The following ZNF514 variants were observed in gnomAD, a reference collection of about 807,000 sequenced individuals.
ZNF514 encodes the protein zinc finger protein 514.
In ZNF514, 12 loss-of-function variants were observed where a neutral mutation model predicts 9.7. The ratio of observed to expected loss-of-function variants is 1.24; its 90% CI spans 0.79 to 2.01. The LOEUF is 2.01. Among genes scored for constraint, ZNF514 ranks in the 30% most tolerant of loss-of-function variants. ZNF514 has a pLI of 0.00. For missense variants in ZNF514, 467 were observed against 465.5 expected (o/e 1.00, Z -0.03); for synonymous variants, 158 against 163.7 (o/e 0.97, Z 0.27).
intron 1 of ZNF514, among the ~76,000 whole-genome samples, chr2:95,158,632 G>T (rs1360428038): frequency 2.0e-5 from 3 of 152,248 alleles, no homozygotes; most frequent in Admixed American, 1.3e-4. Context: ...CCCTGGCCAA[G>T]GGCCACTCCC....
chr2:95,149,432 TC>T lies in ZNF514; in HGVS notation c.1052del (p.Arg351LysfsTer69). The stretch of plus-strand genomic sequence containing the variant: ...TGAGAGATGAACTCTGGCTGAAGGC[TC>T]TCCCACATTTATTACATTTGTAAGG... ...EKPYKCNKCG[R>X]AFSQSSSLTQ... On this transcript the variant is annotated frameshift_variant, in exon 5 of 5. Coordinates refer to ENST00000295208, the MANE Select transcript of ZNF514 (RefSeq NM_032788.3). LOFTEE classifies it low-confidence loss of function (END_TRUNC). 6.2e-7 allele frequency: 1 copy of T among 1,614,076 alleles called. No individual in the cohort carries two copies. The highest frequency in any genetic ancestry group is 8.5e-7 in the Non-Finnish European group (1 of 1,180,010).
chr2:95,158,767 A>C (rs1573384098), intron 1 of ZNF514: 9 of 1,188,392 alleles, frequency 7.6e-6, no homozygotes, highest in Non-Finnish European at 8.6e-6. Flanking sequence ...TCATCTAGAG[A>C]CCCCTGCCAG....
chr2:95,143,079 C>G (rs1241396672), downstream of ZNF514, among the ~76,000 whole-genome samples: 4 of 152,202 alleles, frequency 2.6e-5, no homozygotes, highest in African/African-American at 9.7e-5. Flanking sequence ...GCTCTCTTAT[C>G]AGATGATTGC....
In ZNF514 at chr2:95,147,489, A is replaced by G. The variant is rs541602104; in HGVS notation, c.*1793T>C. ...TCACCCTAAAAAGATTCCTTGTAACATTTGCAGTTACTTTGTTTCTGAAGA... is the reference window on the plus strand; with the variant it reads ...TCACCCTAAAAAGATTCCTTGTAACGTTTGCAGTTACTTTGTTTCTGAAGA... On this transcript the variant is annotated 3_prime_UTR_variant, in exon 5 of 5. Transcript: ENST00000295208. The G allele has an allele frequency of 2.0e-5, 3 of 152,288 alleles. No homozygotes were observed. The highest frequency in any genetic ancestry group is 2.4e-5 in the African/African-American group (1 of 41,560). 9.4% of individuals were successfully genotyped at this position (152,288 alleles called of 1,614,324 possible).
chr2:95,139,009 G>A, the ZNF514 span, among the ~76,000 whole-genome samples: 2 of 152,226 alleles, frequency 1.3e-5, no homozygotes, highest in Non-Finnish European at 2.9e-5. Flanking sequence ...AGGGGCTCAG[G>A]TACAGCTCAA....
the ZNF514 span, among the ~76,000 whole-genome samples, chr2:95,134,695 T>A: frequency 1.3e-5 from 2 of 152,358 alleles, no homozygotes; most frequent in African/African-American, 4.8e-5. Context: ...CACTGCCAAA[T>A]CTGAGGTCAT....
At chr2:95,156,327 T>C (rs1347426099) in intron 2 of ZNF514, among the ~76,000 whole-genome samples, 1 of 152,148 alleles carries the variant, frequency 6.6e-6, no homozygotes, top group East Asian at 1.9e-4. Context: ...GTCACCATGA[T>C]CCCTGATGCC....
At chr2:95,129,013 G>C in the ZNF514 span, among the ~76,000 whole-genome samples, 2 of 152,296 alleles carry the variant, frequency 1.3e-5, no homozygotes, top group Non-Finnish European at 2.9e-5. Context: ...AGGAAATTCT[G>C]GTATTTCAGT....
chr2:95,145,127 T>C lies in ZNF514; in HGVS notation c.*4155A>G, dbSNP rs1220828518. Among the ~76,000 whole-genome samples the C allele has an allele frequency of 6.6e-6, 1 of 152,174 alleles. No individual in the cohort carries two copies. Among genetic ancestry groups the C allele is most frequent in the Non-Finnish European group, 1.5e-5 (1 of 68,038 alleles). On this transcript the variant is annotated 3_prime_UTR_variant, in exon 5 of 5. Transcript: ENST00000295208. ...CATAAGAGAAGCATGAGATGTGACA[T>C]GAAGCAGCTGATAGTCTATGTAAGT...
chr2:95,156,418 G>C (rs1209381495), intron 2 of ZNF514, among the ~76,000 whole-genome samples: 2 of 152,206 alleles, frequency 1.3e-5, no homozygotes, highest in Non-Finnish European at 2.9e-5. Context: ...CTATGATTGA[G>C]TGGTTAAGAT....
At chr2:95,126,355 G>A in the ZNF514 span, among the ~76,000 whole-genome samples, 1 of 80,738 alleles carries the variant, frequency 1.2e-5, no homozygotes, top group Non-Finnish European at 2.2e-5. Context: ...TGGGCAACAA[G>A]AGTGAAACTC....
the ZNF514 span, among the ~76,000 whole-genome samples, chr2:95,126,989 C>T: frequency 1.3e-5 from 2 of 152,276 alleles, no homozygotes; most frequent in African/African-American, 2.4e-5. Flanking sequence ...CACCTGATCT[C>T]TTTATGCCTC....
chr2:95,132,159 A>C, the ZNF514 span, among the ~76,000 whole-genome samples: 3 of 150,972 alleles, frequency 2.0e-5, no homozygotes, highest in South Asian at 2.1e-4. Context: ...AAAAAAAAAA[A>C]AAAAAAAAAA....
Position 95,149,167 on chromosome 2 carries a change from A to T in ZNF514, c.*115T>A. 7.7e-7 allele frequency: 1 copy of T among 1,301,020 alleles called. No individual in the cohort carries two copies. Among genetic ancestry groups the T allele is most frequent in the Non-Finnish European group, 1.0e-6 (1 of 958,844 alleles). The allele number at this position is 1,301,020 out of a possible 1,614,324, so 80.6% of individuals were successfully genotyped here. ...TTTAGTAATTATTGCCTGATGTGGA[A>T]CAAGATGTGGTCTTCCCACATACAT... On this transcript the variant is annotated 3_prime_UTR_variant, in exon 5 of 5. Transcript: ENST00000295208.
downstream of ZNF514, among the ~76,000 whole-genome samples, chr2:95,140,098 G>A (rs1370071581): frequency 6.6e-6 from 1 of 152,118 alleles, no homozygotes; most frequent in African/African-American, 2.4e-5. Flanking sequence ...CTTGGACACA[G>A]GGAGGGGAAA....
chr2:95,126,347 G>A, the ZNF514 span, among the ~76,000 whole-genome samples: 1 of 104,406 alleles, frequency 9.6e-6, no homozygotes, highest in Non-Finnish European at 1.8e-5. Context: ...CTCCAGCCTG[G>A]GCAACAAGAG....
downstream of ZNF514, among the ~76,000 whole-genome samples, chr2:95,142,174 T>C (rs1201594720): frequency 6.6e-6 from 1 of 152,178 alleles, no homozygotes; most frequent in Non-Finnish European, 1.5e-5. Context: ...ACCCTCAATC[T>C]TACCAACATT....
Position 95,159,341 on chromosome 2 carries a change from A to G in ZNF514, c.-197T>C. The G allele has an allele frequency of 6.1e-6, 1 of 164,158 alleles. No individual in the cohort carries two copies. The highest frequency in any genetic ancestry group is 1.5e-4 in the South Asian group (1 of 6,512). The allele number at this position is 164,158 out of a possible 1,614,324, so 10.2% of individuals were successfully genotyped here. On this transcript the variant is annotated 5_prime_UTR_variant, in exon 1 of 5. Transcript: ENST00000295208. ...ACTACCAGGAGACACGGCCACAGCC[A>G]CGCCCGCGACGCGAGGGCCCAGCGC... is the stretch of plus-strand genomic sequence containing the variant.
Position 95,150,314 on chromosome 2 carries a change from T to C in ZNF514, c.218-47A>G, listed in dbSNP as rs1673503452. On this transcript the variant is annotated intron_variant, in intron 4 of 4. Coordinates refer to ENST00000295208, the MANE Select transcript of ZNF514 (RefSeq NM_032788.3). ...AAAGAAGACATTCTAGTATGTAGAA[T>C]GTCCTATGTAGCAAGAAAAGCAAGC... The C allele has an allele frequency of 4.7e-6, 7 of 1,495,852 alleles. No homozygotes were observed. In the African/African-American group the frequency reaches 5.7e-5, roughly 12 times the overall value. The allele number at this position is 1,495,852 out of a possible 1,614,324, so 92.7% of individuals were successfully genotyped here.
Sources: allele counts gnomAD v4.1 joint callset (sites outside exome capture counted in the v4.1 genomes callset), GRCh38; gene constraint gnomAD v4.1.1; transcripts MANE v1.5; gene names NCBI Gene and HGNC (gene_info 2026-07-23, HGNC 2026-07-21).